The following PTPRD variants were observed in gnomAD, a reference collection of about 807,000 sequenced individuals.
PTPRD encodes protein tyrosine phosphatase receptor type D, also known as receptor-type tyrosine-protein phosphatase delta.
Under a neutral mutation model 214.5 loss-of-function variants are expected in PTPRD, and 34 were observed. The ratio of observed to expected loss-of-function variants is 0.16; its 90% CI spans 0.12 to 0.21. PTPRD has a LOEUF of 0.21. Ranked by LOEUF, PTPRD falls within the 10% of genes least tolerant of loss-of-function variation. The probability of loss-of-function intolerance (pLI) is 1.00; values close to 1 mark genes in which losing one functional copy is unlikely to be tolerated. For synonymous variants in PTPRD, 1,128 were observed against 845.7 expected (o/e 1.33, Z -5.79); for missense variants, 2,545 against 2,398.7 (o/e 1.06, Z -1.27).
chr9:8,941,309 A>G (rs1048586075), intron 11 of PTPRD, among the ~76,000 whole-genome samples: 2 of 152,230 alleles, frequency 1.3e-5, no homozygotes. Flanking sequence ...TGTATTTGCA[A>G]CTAGTTTCAG....
intron 2 of PTPRD, among the ~76,000 whole-genome samples, chr9:10,579,863 A>G (rs1017503223): frequency 2.0e-5 from 3 of 152,172 alleles, no homozygotes; most frequent in African/African-American, 7.2e-5. Context: ...TGACAACATT[A>G]AGCATTTTTT....
At chr9:9,744,444 C>A (rs2098438194) in intron 6 of PTPRD, among the ~76,000 whole-genome samples, 1 of 151,968 alleles carries the variant, frequency 6.6e-6, no homozygotes, top group Non-Finnish European at 1.5e-5. Flanking sequence ...ATTTAATGAC[C>A]AGTGATACAT....
chr9:10,120,763 G>C (rs1387562492), intron 3 of PTPRD, among the ~76,000 whole-genome samples: 5 of 151,930 alleles, frequency 3.3e-5, no homozygotes, highest in African/African-American at 1.2e-4. Context: ...AGGAGCCAAC[G>C]ATAATCCCAT....
chr9:9,290,463 T>G (rs1436036945), intron 9 of PTPRD, among the ~76,000 whole-genome samples: 1 of 151,612 alleles, frequency 6.6e-6, no homozygotes, highest in Non-Finnish European at 1.5e-5. Context: ...TAGTTGGATA[T>G]AGTCACTTGT....
At chr9:9,825,322 A>AAGAG (rs1014660232) in intron 5 of PTPRD, among the ~76,000 whole-genome samples, 66 of 151,704 alleles carry the variant, frequency 4.4e-4, no homozygotes, top group African/African-American at 1.6e-3. Flanking sequence ...AAGAGAAAGA[A>AAGAG]AGAGAGAGAG....
intron 11 of PTPRD, among the ~76,000 whole-genome samples, chr9:8,944,858 C>A (rs140161749): frequency 6.6e-6 from 1 of 151,340 alleles, no homozygotes; most frequent in Non-Finnish European, 1.5e-5. Flanking sequence ...CTACAGTCAG[C>A]GATAATTTGT....
At chr9:8,412,453 T>C (rs2093607116) in intron 35 of PTPRD, among the ~76,000 whole-genome samples, 1 of 152,202 alleles carries the variant, frequency 6.6e-6, no homozygotes, top group African/African-American at 2.4e-5. Context: ...TTCTTTTCCA[T>C]GGATAACAAG....
chr9:9,582,118 G>C (rs964092308), intron 7 of PTPRD, among the ~76,000 whole-genome samples: 5 of 152,024 alleles, frequency 3.3e-5, no homozygotes, highest in Non-Finnish European at 7.4e-5. Flanking sequence ...TAACACTATG[G>C]CAGAAACTTC....
Position 10,179,637 on chromosome 9 carries a change from C to A in PTPRD, c.-544-145847G>T, listed in dbSNP as rs924734325. Among the ~76,000 whole-genome samples, 5 of 151,910 alleles carry A rather than the reference C, an allele frequency of 3.3e-5. No homozygotes were observed. The South Asian group carries it at 1.0e-3, about 31-fold the overall frequency. On this transcript the variant is annotated intron_variant, in intron 3 of 45. Coordinates refer to ENST00000381196, the MANE Select transcript of PTPRD (RefSeq NM_002839.4). ...ACATTTATTATAGGTTTATTGCATGCAATGCAATTTTCAAGATGTGTTACC... is the reference window on the plus strand; with the variant it reads ...ACATTTATTATAGGTTTATTGCATGAAATGCAATTTTCAAGATGTGTTACC...
intron 7 of PTPRD, among the ~76,000 whole-genome samples, chr9:9,717,708 A>T (rs1595924038): frequency 6.6e-6 from 1 of 152,186 alleles, no homozygotes. Flanking sequence ...AATTTAGGGA[A>T]TAATGGGAAT....
At chr9:9,121,320 T>C (rs1424336719) in intron 10 of PTPRD, among the ~76,000 whole-genome samples, 1 of 152,200 alleles carries the variant, frequency 6.6e-6, no homozygotes, top group Non-Finnish European at 1.5e-5. Flanking sequence ...ATGACACTAC[T>C]GGGTATCTAC....
chr9:9,655,141 A>C (rs1218683719), intron 7 of PTPRD, among the ~76,000 whole-genome samples: 2 of 152,192 alleles, frequency 1.3e-5, no homozygotes, highest in Non-Finnish European at 2.9e-5. Context: ...CTTGTTATAA[A>C]AACTATATGA....
At chr9:10,057,365 G>C (rs2097672677) in intron 3 of PTPRD, among the ~76,000 whole-genome samples, 1 of 152,110 alleles carries the variant, frequency 6.6e-6, no homozygotes, top group Non-Finnish European at 1.5e-5. Context: ...ATGTTGAGGA[G>C]GTGAAAAGCC....
At chr9:9,900,279 GC>G in intron 5 of PTPRD, among the ~76,000 whole-genome samples, 1 of 152,226 alleles carries the variant, frequency 6.6e-6, no homozygotes, top group Non-Finnish European at 1.5e-5. Flanking sequence ...TTTAGAAGAA[GC>G]CAGGCCACAT....
At chr9:9,413,356 C>G (rs2076096872) in intron 8 of PTPRD, among the ~76,000 whole-genome samples, 1 of 151,252 alleles carries the variant, frequency 6.6e-6, no homozygotes, top group African/African-American at 2.4e-5. Flanking sequence ...CCTCATGATC[C>G]ACCCGCCTCG....
At chr9:10,473,370 T>C (rs1443128403) in intron 2 of PTPRD, among the ~76,000 whole-genome samples, 1 of 152,108 alleles carries the variant, frequency 6.6e-6, no homozygotes, top group African/African-American at 2.4e-5. Context: ...GTTATGGTTG[T>C]GTCTGGATAC....
At chr9:9,912,626 C>T (rs552533683) in intron 5 of PTPRD, among the ~76,000 whole-genome samples, 36 of 152,106 alleles carry the variant, frequency 2.4e-4, no homozygotes, top group Non-Finnish European at 4.1e-4. Context: ...AAGCCTGACA[C>T]GTGAGTTTGC....
chr9:9,328,756 C>T (rs2041144953), intron 9 of PTPRD, among the ~76,000 whole-genome samples: 1 of 148,914 alleles, frequency 6.7e-6, no homozygotes, highest in African/African-American at 2.5e-5. Flanking sequence ...TGCATCTCAG[C>T]CTCCCCAGTC....
chr9:9,440,123 A>C (rs924391080), intron 8 of PTPRD, among the ~76,000 whole-genome samples: 4 of 152,180 alleles, frequency 2.6e-5, no homozygotes, highest in Admixed American at 6.5e-5. Flanking sequence ...AAATATCATT[A>C]TATATAAGCA....
Sources: allele counts gnomAD v4.1 joint callset (sites outside exome capture counted in the v4.1 genomes callset), GRCh38; gene constraint gnomAD v4.1.1; transcripts MANE v1.5; gene names NCBI Gene and HGNC (gene_info 2026-07-23, HGNC 2026-07-21).